Variants in RMDN2 observed in about 807,000 individuals in gnomAD.
RMDN2 encodes regulator of microtubule dynamics 2.
In RMDN2, 61 loss-of-function variants were observed where a neutral mutation model predicts 52.8. The observed-to-expected ratio is 1.16, with a 90% CI of 0.94 to 1.43. RMDN2 has a LOEUF of 1.43. RMDN2 is among the 40% of genes most tolerant of loss of function. The pLI is 0.00. For synonymous variants in RMDN2, 180 were observed against 153.1 expected, an observed-to-expected ratio of 1.18 and a Z score of -1.30; for missense variants, 592 against 475.3, an observed-to-expected ratio of 1.25 and a Z score of -2.28.
chr2:37,980,975 C>A (rs546488929), intron 4 of RMDN2, among the ~76,000 whole-genome samples: 18 of 152,274 alleles, frequency 1.2e-4, no homozygotes, highest in African/African-American at 3.9e-4. Context: ...ATTTCTATTA[C>A]GCTTTGTAAG....
chr2:37,980,335 G>A (rs1160730121), intron 4 of RMDN2, among the ~76,000 whole-genome samples: 4 of 151,852 alleles, frequency 2.6e-5, no homozygotes, highest in South Asian at 2.1e-4. Flanking sequence ...ACAGAGTCTC[G>A]CTCTGTCCCC....
chr2:37,970,397 T>G (rs1244484914), intron 2 of RMDN2, among the ~76,000 whole-genome samples: 2 of 152,220 alleles, frequency 1.3e-5, no homozygotes, highest in Non-Finnish European at 2.9e-5. Context: ...CTCAATTTGG[T>G]TGTAATACAT....
intron 2 of RMDN2, among the ~76,000 whole-genome samples, chr2:37,935,734 AT>A (rs1667232011): frequency 6.6e-6 from 1 of 152,156 alleles, no homozygotes; most frequent in African/African-American, 2.4e-5. Flanking sequence ...TGGCACACAC[AT>A]TTTGTAACAT....
intron 2 of RMDN2, among the ~76,000 whole-genome samples, chr2:37,931,239 C>A (rs1294786482): frequency 1.3e-5 from 2 of 152,072 alleles, no homozygotes; most frequent in Admixed American, 1.3e-4. Context: ...GTAGGAAGAT[C>A]TAAAAAATTT....
At chr2:38,015,997 C>A (rs929785582) in intron 10 of RMDN2, among the ~76,000 whole-genome samples, 11 of 152,124 alleles carry the variant, frequency 7.2e-5, no homozygotes, top group Non-Finnish European at 1.5e-5. Context: ...TATAAGAGGG[C>A]AATTGCATAA....
At chr2:37,993,730 T>C (rs1675127876) in intron 7 of RMDN2, among the ~76,000 whole-genome samples, 1 of 125,956 alleles carries the variant, frequency 7.9e-6, no homozygotes. Flanking sequence ...ACTGCCACAA[T>C]ATATCTGGGA....
At chr2:37,987,264 G>A (rs1421899194) in intron 5 of RMDN2, among the ~76,000 whole-genome samples, 1 of 152,040 alleles carries the variant, frequency 6.6e-6, no homozygotes, top group East Asian at 1.9e-4. Flanking sequence ...AACAAAGTAT[G>A]TACAAGATCT....
chr2:38,041,422 T>C (rs1394962065), intron 10 of RMDN2, among the ~76,000 whole-genome samples: 1 of 117,444 alleles, frequency 8.5e-6, no homozygotes. Flanking sequence ...TCATTTTTTT[T>C]ATTGGTTTTT....
At chr2:38,046,533 A>G (rs1469462310) in intron 10 of RMDN2, among the ~76,000 whole-genome samples, 1 of 152,144 alleles carries the variant, frequency 6.6e-6, no homozygotes, top group Non-Finnish European at 1.5e-5. Flanking sequence ...AAAAAGATAA[A>G]CAAAGAAATC....
intron 10 of RMDN2, among the ~76,000 whole-genome samples, chr2:38,006,199 T>C (rs1390247664): frequency 4.6e-5 from 7 of 152,206 alleles, no homozygotes; most frequent in Non-Finnish European, 8.8e-5. Context: ...CTTTTTTGGT[T>C]CCATATGAAC....
At chr2:38,044,475 T>C (rs955699399) in intron 10 of RMDN2, among the ~76,000 whole-genome samples, 3 of 152,112 alleles carry the variant, frequency 2.0e-5, no homozygotes, top group Non-Finnish European at 4.4e-5. Flanking sequence ...TTCTGCCCTT[T>C]TGTTTCTTTT....
rs986200157 is a variant in RMDN2, at chr2:38,042,407, ACACACACACACACACAC to A, written c.1714-24557_1714-24541del. ...CTTTTCCAAAACCTCCCCCCGCCAC[ACACACACACACACACAC>A]CACACACACACACACACACCACACA... is the stretch of plus-strand genomic sequence containing the variant. On this transcript the variant is annotated intron_variant, in intron 10 of 10. Coordinates refer to the RMDN2 transcript ENST00000234195. 6.6e-4 allele frequency among the ~76,000 whole-genome samples: 35 copies of A among 53,302 alleles called. No homozygotes were observed. The South Asian group carries it at 0.011, about 16-fold the overall frequency. 35.0% of individuals were successfully genotyped at this position (53,302 alleles called of 152,430 possible).
At chr2:38,013,981 C>T (rs368265494) in intron 10 of RMDN2, among the ~76,000 whole-genome samples, 6 of 152,016 alleles carry the variant, frequency 3.9e-5, no homozygotes, top group South Asian at 2.1e-4. Context: ...CCGAGGCGGG[C>T]GGATCACCTG....
chr2:37,975,584 CA>C lies in RMDN2; in HGVS notation c.730+271del, dbSNP rs541883504. ...GGGTGGGAGGCTAGGGGAGGGATAGCATTAGGAGAAATACCTAATGTAGATG... is the reference window on the plus strand; with the variant it reads ...GGGTGGGAGGCTAGGGGAGGGATAGCTTAGGAGAAATACCTAATGTAGATG... On this transcript the variant is annotated intron_variant, in intron 4 of 10. Transcript: ENST00000354545. Among the ~76,000 whole-genome samples the C allele has an allele frequency of 2.6e-4, 39 of 152,194 alleles. No individual in the cohort carries two copies. In the South Asian group the frequency reaches 7.5e-3, roughly 29 times the overall value.
intron 2 of RMDN2, among the ~76,000 whole-genome samples, chr2:37,941,696 T>C (rs1667802310): frequency 6.6e-6 from 1 of 152,192 alleles, no homozygotes; most frequent in African/African-American, 2.4e-5. Context: ...TTACACCGTG[T>C]GGGGAAAACT....
intron 10 of RMDN2, among the ~76,000 whole-genome samples, chr2:38,028,873 T>G (rs1679974869): frequency 6.6e-6 from 1 of 152,114 alleles, no homozygotes; most frequent in Admixed American, 6.5e-5. Context: ...AGAAAAAAGC[T>G]GTAACTGGAG....
chr2:37,951,865 C>T (rs201632669), intron 2 of RMDN2: 1 of 1,613,526 alleles, frequency 6.2e-7, no homozygotes, highest in East Asian at 2.2e-5. Context: ...TCCTTCTTTT[C>T]TCTTGCAAGT....
At chr2:37,986,118 T>C (rs1247788063) in intron 5 of RMDN2, among the ~76,000 whole-genome samples, 1 of 152,140 alleles carries the variant, frequency 6.6e-6, no homozygotes, top group Non-Finnish European at 1.5e-5. Flanking sequence ...ATTTGGAAAA[T>C]GATAATGCCC....
Position 37,985,378 on chromosome 2 carries a change from T to TTTTA in RMDN2, c.791+4055_791+4058dup, listed in dbSNP as rs1553368273. Among the ~76,000 whole-genome samples the TTTTA allele has an allele frequency of 4.4e-3, 671 of 151,604 alleles. 4 individuals are homozygous for TTTTA. Among genetic ancestry groups the TTTTA allele is most frequent in the African/African-American group, 0.015 (626 of 41,298 alleles). On this transcript the variant is annotated intron_variant, in intron 5 of 10. Coordinates refer to ENST00000354545, the MANE Select transcript of RMDN2 (RefSeq NM_001170791.3). ...TTCTAAAAAGGTGAAATGATCTGTTTTTTATTTATTTATTTATTTATTTTG... is the reference window on the plus strand; with the variant it reads ...TTCTAAAAAGGTGAAATGATCTGTTTTTTATTTATTTATTTATTTATTTATTTTG...
Sources: allele counts gnomAD v4.1 joint callset (sites outside exome capture counted in the v4.1 genomes callset), GRCh38; gene constraint gnomAD v4.1.1; transcripts MANE v1.5; gene names NCBI Gene and HGNC (gene_info 2026-07-23, HGNC 2026-07-21).